Variants in SH3BGRL observed in about 807,000 individuals in gnomAD.
SH3BGRL encodes SH3 domain binding glutamate rich protein like, also known as adapter SH3BGRL.
SH3BGRL carries 7 observed loss-of-function variants against 9.8 expected under a neutral mutation model. The observed-to-expected ratio is 0.72, with a 90% CI of 0.41 to 1.35. The LOEUF is 1.35. Among genes scored for constraint, SH3BGRL ranks in the 40% most tolerant of loss-of-function variants. The pLI is 0.01. For synonymous variants in SH3BGRL, 36 were observed against 29.1 expected, an observed-to-expected ratio of 1.24 and a Z score of -0.76; for missense variants, 73 against 84.4, an observed-to-expected ratio of 0.86 and a Z score of 0.53.
intron 1 of SH3BGRL, among the ~76,000 whole-genome samples, chrX:81,247,777 G>A (rs2075694025): frequency 9.1e-6 from 1 of 110,234 alleles, no homozygotes; most frequent in South Asian, 3.8e-4. Context: ...TCTTTTTTTA[G>A]TGTAACTTTG....
chrX:81,204,514 C>T (rs2075539802), intron 1 of SH3BGRL, among the ~76,000 whole-genome samples: 1 of 111,298 alleles, frequency 9.0e-6, no homozygotes, highest in Non-Finnish European at 1.9e-5. Flanking sequence ...GTTTAGTTGT[C>T]TGAAGAACAG....
At chrX:81,216,214 C>T (rs1229803084) in intron 1 of SH3BGRL, among the ~76,000 whole-genome samples, 1 of 110,782 alleles carries the variant, frequency 9.0e-6, no homozygotes. Context: ...TATAGGATTC[C>T]TGACAGTTTG....
intron 1 of SH3BGRL, among the ~76,000 whole-genome samples, chrX:81,242,557 A>C (rs1464029159): frequency 8.9e-6 from 1 of 112,294 alleles, no homozygotes; most frequent in Admixed American, 9.4e-5. Flanking sequence ...CAACTAAAGC[A>C]AAAATGAACA....
chrX:81,251,299 ATAC>A (rs1424850521), intron 1 of SH3BGRL, among the ~76,000 whole-genome samples: 1 of 112,241 alleles, frequency 8.9e-6, no homozygotes, highest in Non-Finnish European at 1.9e-5. Context: ...TTATATTTTA[ATAC>A]TATAGTTTTC....
At chrX:81,265,856 C>T (rs2075755464) in intron 1 of SH3BGRL, among the ~76,000 whole-genome samples, 1 of 112,080 alleles carries the variant, frequency 8.9e-6, no homozygotes, top group Non-Finnish European at 1.9e-5. Flanking sequence ...TTTTCCACAA[C>T]CTCTCCAGCA....
intron 1 of SH3BGRL, among the ~76,000 whole-genome samples, chrX:81,223,665 A>G (rs2075607858): frequency 1.8e-5 from 2 of 110,987 alleles, no homozygotes; most frequent in African/African-American, 3.3e-5. Context: ...AACTCAAGAC[A>G]TACTGAATTA....
intron 3 of SH3BGRL, among the ~76,000 whole-genome samples, chrX:81,293,013 A>C (rs770570915): frequency 1.8e-5 from 2 of 112,418 alleles, no homozygotes; most frequent in African/African-American, 6.5e-5. Context: ...CTGTGTCTGC[A>C]TCCAAATCTC....
rs138333428 is a variant in SH3BGRL at position 81,279,948 on chromosome X, C to A, written c.312+1537C>A. Among the ~76,000 whole-genome samples the A allele has an allele frequency of 2.2e-3, 240 of 111,238 alleles. 1 individual carries two copies. The highest frequency in any genetic ancestry group is 7.6e-3 in the African/African-American group (232 of 30,564). On this transcript the variant is annotated intron_variant, in intron 3 of 3. Coordinates refer to ENST00000373212, the MANE Select transcript of SH3BGRL (RefSeq NM_003022.3). The stretch of plus-strand genomic sequence containing the variant: ...GATAGCCTTGGGTGAATTTTTAAGC[C>A]CCTCTTGCCCTCCACCTGGAAACAG...
intron 1 of SH3BGRL, among the ~76,000 whole-genome samples, chrX:81,249,611 T>C (rs2075702646): frequency 8.9e-6 from 1 of 112,159 alleles, no homozygotes; most frequent in African/African-American, 3.2e-5. Context: ...ATGCCTATGG[T>C]TTCCCTTTTT....
chrX:81,240,711 C>T (rs1188758290), intron 1 of SH3BGRL, among the ~76,000 whole-genome samples: 3 of 112,532 alleles, frequency 2.7e-5, no homozygotes, highest in Non-Finnish European at 5.6e-5. Context: ...TATAGGGAAC[C>T]ACAGAAGACA....
chrX:81,284,332 G>T (rs190750459), intron 3 of SH3BGRL, among the ~76,000 whole-genome samples: 1 of 109,701 alleles, frequency 9.1e-6, no homozygotes, highest in African/African-American at 3.3e-5. Flanking sequence ...AAATCAAAAA[G>T]TGATTGAGAG....
At chrX:81,268,086 C>T (rs915099819) in intron 1 of SH3BGRL, among the ~76,000 whole-genome samples, 71 of 111,333 alleles carry the variant, frequency 6.4e-4, no homozygotes, top group African/African-American at 2.1e-3. Context: ...TTTATTGCAT[C>T]TATTTGATTC....
chrX:81,272,976 T>C (rs1213821093), intron 1 of SH3BGRL, among the ~76,000 whole-genome samples: 1 of 111,913 alleles, frequency 8.9e-6, no homozygotes, highest in Non-Finnish European at 1.9e-5. Flanking sequence ...CCATGATTTA[T>C]TTATAGAGTT....
chrX:81,275,118 C>T (rs1288724054), intron 1 of SH3BGRL, among the ~76,000 whole-genome samples: 1 of 111,482 alleles, frequency 9.0e-6, no homozygotes, highest in African/African-American at 3.3e-5. Context: ...ACAAAGTAAG[C>T]ATTCAATAAG....
Position 81,287,645 on chromosome X carries a change from C to G in SH3BGRL, c.312+9234C>G, listed in dbSNP as rs193110543. Among the ~76,000 whole-genome samples, 62 of 110,494 alleles carry G rather than the reference C, an allele frequency of 5.6e-4. No homozygotes were observed. The Admixed American group carries it at 5.9e-3, about 11-fold the overall frequency. ...GGGAGGGTAACATCACACACCGGGA[C>G]CTGTCTGTGGGTGGGGGAGTAGGGG... On this transcript the variant is annotated intron_variant, in intron 3 of 3. Coordinates refer to ENST00000373212, the MANE Select transcript of SH3BGRL (RefSeq NM_003022.3).
intron 1 of SH3BGRL, among the ~76,000 whole-genome samples, chrX:81,241,063 C>T (rs1322311350): frequency 1.8e-5 from 2 of 113,001 alleles, no homozygotes; most frequent in Non-Finnish European, 1.9e-5. Context: ...TTTTCCCTCT[C>T]TCTGGCCTCT....
intron 1 of SH3BGRL, among the ~76,000 whole-genome samples, chrX:81,272,738 AT>A (rs1329661804): frequency 9.1e-6 from 1 of 110,254 alleles, no homozygotes; most frequent in Non-Finnish European, 1.9e-5. Flanking sequence ...TGACCTCGTT[AT>A]CCGCCCGCCT....
chrX:81,224,965 C>T (rs2075612205), intron 1 of SH3BGRL, among the ~76,000 whole-genome samples: 1 of 109,971 alleles, frequency 9.1e-6, no homozygotes, highest in South Asian at 3.9e-4. Context: ...CTAACTCAAC[C>T]TCAGTCTTTT....
intron 1 of SH3BGRL, among the ~76,000 whole-genome samples, chrX:81,253,026 A>T (rs1602612495): frequency 8.9e-6 from 1 of 112,422 alleles, no homozygotes. Context: ...TTCAACTTGA[A>T]TACTATTAGA....
Sources: gnomAD v4.1 joint callset for allele counts (sites outside exome capture counted in the v4.1 genomes callset) on GRCh38, gnomAD v4.1.1 for gene constraint, MANE v1.5 for transcripts, NCBI Gene and HGNC (gene_info 2026-07-23, HGNC 2026-07-21) for gene names.